The following ITGBL1 variants were observed in gnomAD, a reference collection of about 807,000 sequenced individuals.
ITGBL1 encodes integrin beta-like protein 1.
A neutral mutation model predicts 68.5 loss-of-function variants in ITGBL1; 51 were observed. The observed-to-expected ratio is 0.74, with a 90% confidence interval of 0.59 to 0.94. The LOEUF is 0.94. Ranked by LOEUF, ITGBL1 falls within the 40% of genes least tolerant of loss-of-function variation. ITGBL1 has a pLI of 0.00. For synonymous variants in ITGBL1, 209 were observed against 227.3 expected (o/e 0.92, Z 0.72); for missense variants, 649 against 647.4 (o/e 1.00, Z -0.03).
chr13:101,498,846 T>G (rs575010682), intron 2 of ITGBL1, among the ~76,000 whole-genome samples: 10 of 152,278 alleles, frequency 6.6e-5, no homozygotes, highest in African/African-American at 2.2e-4. Flanking sequence ...ACAGATTTCA[T>G]GGACTCACAG....
intron 7 of ITGBL1, among the ~76,000 whole-genome samples, chr13:101,607,823 C>A (rs1398125463): frequency 6.6e-6 from 1 of 152,032 alleles, no homozygotes; most frequent in Non-Finnish European, 1.5e-5. Flanking sequence ...CTTTCATTGA[C>A]TTCTATAATC....
rs532502559 is a variant in ITGBL1 at position 101,589,148 on chromosome 13, T to TCTGTTTCAA, written c.868+5795_868+5803dup. On this transcript the variant is annotated intron_variant, in intron 6 of 10. Transcript: ENST00000376180. ...TTACTGAAAAAGCAAAAGTTATGTT[T>TCTGTTTCAA]CTGTTTCAACTCTGTCAATTAATCT... 4.6e-5 allele frequency among the ~76,000 whole-genome samples: 7 copies of TCTGTTTCAA among 152,356 alleles called. 1 individual carries two copies. In the East Asian group the frequency reaches 1.3e-3, roughly 29 times the overall value.
intron 7 of ITGBL1, among the ~76,000 whole-genome samples, chr13:101,644,122 C>G (rs1034726463): frequency 1.3e-5 from 2 of 152,148 alleles, no homozygotes; most frequent in African/African-American, 4.8e-5. Flanking sequence ...CTCCCTGTTG[C>G]TCCCTTACCT....
intron 2 of ITGBL1, among the ~76,000 whole-genome samples, chr13:101,516,637 T>G (rs1389738839): frequency 6.6e-6 from 1 of 152,192 alleles, no homozygotes; most frequent in Non-Finnish European, 1.5e-5. Flanking sequence ...GCTAACTGTA[T>G]TATGTTCCTC....
intron 2 of ITGBL1, among the ~76,000 whole-genome samples, chr13:101,463,558 T>G (rs2048344518): frequency 6.6e-6 from 1 of 152,114 alleles, no homozygotes; most frequent in Non-Finnish European, 1.5e-5. Context: ...ATTTGGAATT[T>G]TCATGCTTTT....
chr13:101,454,732 T>C (rs2048218349), intron 2 of ITGBL1, among the ~76,000 whole-genome samples: 1 of 152,194 alleles, frequency 6.6e-6, no homozygotes, highest in African/African-American at 2.4e-5. Context: ...TGAAGCCTGA[T>C]TTGCCCTCTC....
Position 101,583,237 on chromosome 13 carries a change from G to T in ITGBL1, c.749G>T (p.Cys250Phe). The T allele has an allele frequency of 6.2e-7, 1 of 1,613,594 alleles. No homozygotes were observed. Among genetic ancestry groups the T allele is most frequent in the Non-Finnish European group, 8.5e-7 (1 of 1,179,738 alleles). Residue 250 changes from cysteine (C) to phenylalanine (F), a missense_variant, in exon 6 of 11, where the codon TGT (cysteine) becomes TTT (phenylalanine). Transcript: ENST00000376180. ...CTAGGGACTTGTGTATGTGGTGAAT[G>T]TACCTGTCACGATGTTGATCCGACT... is the stretch of plus-strand genomic sequence containing the variant. ...SNRGTCVCGE[C>F]TCHDVDPTGD...
At chr13:101,661,731 C>T (rs2033094767) in intron 7 of ITGBL1, among the ~76,000 whole-genome samples, 1 of 152,050 alleles carries the variant, frequency 6.6e-6, no homozygotes, top group Non-Finnish European at 1.5e-5. Context: ...GATCATATCA[C>T]CACCTAATAT....
intron 2 of ITGBL1, among the ~76,000 whole-genome samples, chr13:101,534,508 A>C (rs2049537061): frequency 6.6e-6 from 1 of 152,190 alleles, no homozygotes; most frequent in South Asian, 2.1e-4. Flanking sequence ...AGGAATCAAC[A>C]GGCAGTTTCC....
intron 2 of ITGBL1, among the ~76,000 whole-genome samples, chr13:101,499,077 G>A (rs552656415): frequency 2.6e-4 from 40 of 152,222 alleles, no homozygotes; most frequent in South Asian, 1.0e-3. Flanking sequence ...ACAACTGAAT[G>A]TGACATTTGG....
chr13:101,495,178 A>G (rs868130121), intron 2 of ITGBL1, among the ~76,000 whole-genome samples: 25 of 152,198 alleles, frequency 1.6e-4, no homozygotes, highest in African/African-American at 5.3e-4. Flanking sequence ...TTGTCCAGAA[A>G]GAGTATTGAC....
At chr13:101,565,529 G>A (rs2050170250) in intron 2 of ITGBL1, among the ~76,000 whole-genome samples, 1 of 152,220 alleles carries the variant, frequency 6.6e-6, no homozygotes, top group South Asian at 2.1e-4. Flanking sequence ...CCAAACAGAT[G>A]CTAAGGAAGA....
intron 7 of ITGBL1, among the ~76,000 whole-genome samples, chr13:101,655,073 C>T (rs562641298): frequency 5.9e-5 from 9 of 152,096 alleles, no homozygotes; most frequent in Admixed American, 1.3e-4. Flanking sequence ...CTTTTGGTGG[C>T]GTGCAATCTG....
intron 1 of ITGBL1, among the ~76,000 whole-genome samples, 180 bp downstream of exon 1, chr13:101,453,111 C>T (rs2048187297): frequency 6.6e-6 from 1 of 152,210 alleles, no homozygotes; most frequent in Non-Finnish European, 1.5e-5. Context: ...CATGTCTGTC[C>T]TTTTGCTTTT....
intron 2 of ITGBL1, among the ~76,000 whole-genome samples, chr13:101,460,792 A>G (rs77681840): frequency 5.2e-5 from 1 of 19,416 alleles, no homozygotes; most frequent in Non-Finnish European, 1.0e-4. Context: ...GGCAAGAGAT[A>G]GAGGGAGGGG....
chr13:101,628,909 T>C (rs1485422796), intron 7 of ITGBL1, among the ~76,000 whole-genome samples: 1 of 152,182 alleles, frequency 6.6e-6, no homozygotes, highest in Non-Finnish European at 1.5e-5. Flanking sequence ...TATATAATAC[T>C]GCTTAGACTT....
intron 7 of ITGBL1, among the ~76,000 whole-genome samples, chr13:101,656,608 A>G (rs1038861634): frequency 7.9e-5 from 12 of 152,158 alleles, no homozygotes; most frequent in Admixed American, 5.9e-4. Flanking sequence ...ATATCCAGAG[A>G]ATATGATGCA....
intron 7 of ITGBL1, among the ~76,000 whole-genome samples, chr13:101,622,104 C>T (rs1038682728): frequency 6.6e-6 from 1 of 152,134 alleles, no homozygotes; most frequent in East Asian, 1.9e-4. Context: ...CTTCACCTTT[C>T]TCCGTATCCA....
downstream of ITGBL1, chr13:101,719,362 T>C (rs1206597888): frequency 1.3e-5 from 2 of 152,040 alleles, no homozygotes; most frequent in Non-Finnish European, 2.9e-5. Flanking sequence ...GCGGGAGTCC[T>C]TTGGACCCAT....
Sources: gnomAD v4.1 joint callset for allele counts (sites outside exome capture counted in the v4.1 genomes callset) on GRCh38, gnomAD v4.1.1 for gene constraint, MANE v1.5 for transcripts, NCBI Gene and HGNC (gene_info 2026-07-23, HGNC 2026-07-21) for gene names.